The following PFKFB3 variants were observed in gnomAD, a reference collection of about 807,000 sequenced individuals.
PFKFB3 encodes the protein 6-phosphofructo-2-kinase/fructose-2,6-biphosphatase 3.
Under a neutral mutation model 68.0 loss-of-function variants are expected in PFKFB3, and 33 were observed. The ratio of observed to expected loss-of-function variants is 0.49; its 90% CI spans 0.37 to 0.65. The LOEUF is 0.65. PFKFB3 is among the 30% of genes least tolerant of loss of function. The pLI, the probability that PFKFB3 is intolerant of heterozygous loss-of-function variation, is 0.00. For missense variants in PFKFB3, 586 were observed against 712.2 expected, an observed-to-expected ratio of 0.82 and a Z score of 2.02; for synonymous variants, 315 against 288.2, an observed-to-expected ratio of 1.09 and a Z score of -0.94.
At chr10:6,296,573 G>A in the PFKFB3 span, among the ~76,000 whole-genome samples, 3 of 152,324 alleles carry the variant, frequency 2.0e-5, no homozygotes, top group East Asian at 5.8e-4. Context: ...CTAAACAAGG[G>A]GTGGATTATT....
rs1356617370 is a variant in PFKFB3 at position 6,226,358 on chromosome 10, C to G, written c.1508C>G (p.Pro503Arg). 4.3e-6 allele frequency: 7 copies of G among 1,611,732 alleles called. No individual in the cohort carries two copies. The East Asian group carries it at 1.1e-4, about 26-fold the overall frequency. ...CLPPEVPTQL[P>R]GQNMKGSRSS... ...CCCCCGGAGGTGCCCACGCAGCTGC[C>G]TGGACAAGTCAGTGCACTCCCCTTT... The change falls in exon 14 of 15, where the codon CCT (proline) becomes CGT (arginine). Residue 503 changes from proline (P) to arginine (R), a missense_variant. Pro to Arg is a moderately radical substitution (Grantham distance 103, BLOSUM62 -2). Coordinates refer to ENST00000379775, the MANE Select transcript of PFKFB3 (RefSeq NM_004566.4).
the PFKFB3 span, among the ~76,000 whole-genome samples, chr10:6,285,751 A>G: frequency 2.0e-5 from 3 of 151,924 alleles, no homozygotes; most frequent in Non-Finnish European, 2.9e-5. Context: ...CCACCATTCC[A>G]CTGTTTGATT....
At chr10:6,284,622 A>T in the PFKFB3 span, among the ~76,000 whole-genome samples, 2 of 152,226 alleles carry the variant, frequency 1.3e-5, no homozygotes, top group Non-Finnish European at 2.9e-5. Context: ...AACTATTTTA[A>T]TGTGTACAGT....
intron 1 of PFKFB3, among the ~76,000 whole-genome samples, chr10:6,207,786 G>A (rs543609579): frequency 7.4e-4 from 113 of 152,284 alleles, no homozygotes; most frequent in African/African-American, 2.4e-3. Flanking sequence ...AGCTTCCTTC[G>A]CATGCATCCT....
chr10:6,182,302 TGAGGTCTAGACTGGGGG>T, intron 1 of PFKFB3, among the ~76,000 whole-genome samples: 1 of 151,916 alleles, frequency 6.6e-6, no homozygotes, highest in Non-Finnish European at 1.5e-5. Flanking sequence ...ACACACCCCT[TGAGGTCTAGACTGGGGG>T]TCTGGGTGCA....
intron 1 of PFKFB3, among the ~76,000 whole-genome samples, chr10:6,196,459 A>C (rs1564611585): frequency 6.6e-6 from 1 of 152,160 alleles, no homozygotes; most frequent in Non-Finnish European, 1.5e-5. Flanking sequence ...GCTGAGGAGC[A>C]AGGAAGCCAG....
At position 6,234,017 on chromosome 10, in the gene PFKFB3, G is replaced by A. The variant is rs1845895122; in HGVS notation, c.*1075G>A. The A allele has an allele frequency of 6.6e-6, 1 of 152,474 alleles. No homozygotes were observed. The highest frequency in any genetic ancestry group is 2.1e-4 in the South Asian group (1 of 4,836). 9.4% of individuals were successfully genotyped at this position (152,474 alleles called of 1,614,324 possible). Reference sequence around the variant, plus strand: ...GCCTTGTGCCTGGCACTCTGCCGGTGCCTTGGGAAGGTCGGAAGAGTGGAC... The same window carrying A: ...GCCTTGTGCCTGGCACTCTGCCGGTACCTTGGGAAGGTCGGAAGAGTGGAC... On this transcript the variant is annotated 3_prime_UTR_variant, in exon 15 of 15. Coordinates refer to ENST00000379775, the MANE Select transcript of PFKFB3 (RefSeq NM_004566.4).
At position 6,162,896 on chromosome 10, in the gene PFKFB3, G is replaced by GT. The variant is rs577355290; in HGVS notation, c.16+17884dup. On this transcript the variant is annotated intron_variant, in intron 1 of 14. Coordinates refer to the PFKFB3 transcript ENST00000379789. ...TAGAAGGCTGGATCTGGGCTTTTGTGTGCCTCTTCTTGCTACCGGAGTGTC... is the reference window on the plus strand; with the variant it reads ...TAGAAGGCTGGATCTGGGCTTTTGTGTTGCCTCTTCTTGCTACCGGAGTGTC... Among the ~76,000 whole-genome samples, 7 of 152,246 alleles carry GT rather than the reference G, an allele frequency of 4.6e-5. No individual in the cohort carries two copies. In the South Asian group the frequency reaches 1.5e-3, roughly 32 times the overall value.
intron 1 of PFKFB3, among the ~76,000 whole-genome samples, chr10:6,175,394 C>G (rs952546924): frequency 6.6e-6 from 1 of 152,186 alleles, no homozygotes; most frequent in African/African-American, 2.4e-5. Flanking sequence ...TTGGATTTGC[C>G]TGGCATGGAT....
intron 1 of PFKFB3, among the ~76,000 whole-genome samples, chr10:6,183,662 G>T (rs1842785798): frequency 6.7e-6 from 1 of 148,164 alleles, no homozygotes; most frequent in African/African-American, 2.5e-5. Flanking sequence ...ATAATTACAT[G>T]TATAGTTTTG....
In PFKFB3 at chr10:6,215,217, A is replaced by C. The variant is rs757395169; in HGVS notation, c.203-4A>C. ...ATCCAGACTGTTCTCTTTCCCGTCCACAGTGTTCAACGTCGGGGAGTATCG... is the reference window on the plus strand; with the variant it reads ...ATCCAGACTGTTCTCTTTCCCGTCCCCAGTGTTCAACGTCGGGGAGTATCG... On this transcript the variant is annotated splice_polypyrimidine_tract_variant and splice_region_variant and intron_variant, in intron 2 of 14. Transcript: ENST00000379775. This position sits in a 1 kb window ranked among gnomAD's most constrained non-coding sequence, Gnocchi z 4.3. 1 of 1,612,972 alleles carries C rather than the reference A, an allele frequency of 6.2e-7. No individual in the cohort carries two copies. The highest frequency in any genetic ancestry group is 1.3e-5 in the African/African-American group (1 of 74,976).
the PFKFB3 span, among the ~76,000 whole-genome samples, chr10:6,322,067 G>A: frequency 6.6e-6 from 1 of 152,110 alleles, no homozygotes; most frequent in Non-Finnish European, 1.5e-5. Flanking sequence ...TGTTAGTCTG[G>A]TAAATTGTCT....
chr10:6,200,659 C>CAG (rs1843308075), upstream of PFKFB3, among the ~76,000 whole-genome samples: 1 of 68,886 alleles, frequency 1.5e-5, no homozygotes, highest in Non-Finnish European at 3.0e-5. Flanking sequence ...ATGTAAGGAG[C>CAG]GGGGGGGGGG....
Position 6,220,855 on chromosome 10 carries a change from G to A in PFKFB3, c.821G>A (p.Arg274Gln), listed in dbSNP as rs200580141. 5.3e-5 allele frequency: 86 copies of A among 1,611,172 alleles called. 1 individual carries two copies. Among genetic ancestry groups the A allele is most frequent in the Middle Eastern group, 4.9e-4 (3 of 6,062 alleles). The change falls in exon 8 of 15, where the codon CGG becomes CAG. Residue 274 changes from arginine (R) to glutamine (Q), a missense_variant. Transcript: ENST00000379775. This position sits in a 1 kb window ranked among gnomAD's most constrained non-coding sequence, Gnocchi z 4.1. Reference protein sequence around the residue: ...RIGGDSGLSSRGKKFASALSK... With the variant: ...RIGGDSGLSSQGKKFASALSK... Reference sequence around the variant, plus strand: ...GGGGGCGACTCAGGCCTGTCCAGCCGGGGCAAGAAGGTGCGGGGTGTGCTG... The same window carrying A: ...GGGGGCGACTCAGGCCTGTCCAGCCAGGGCAAGAAGGTGCGGGGTGTGCTG...
chr10:6,202,728 C>T (rs1843413234), upstream of PFKFB3: 1 of 253,906 alleles, frequency 3.9e-6, no homozygotes, highest in Non-Finnish European at 6.4e-6. Flanking sequence ...GGGCGCGCTC[C>T]AGGCCCGGGG....
chr10:6,321,801 T>C, the PFKFB3 span, among the ~76,000 whole-genome samples: 6 of 152,196 alleles, frequency 3.9e-5, no homozygotes, highest in African/African-American at 1.4e-4. Context: ...CTCAACTCTA[T>C]GTAGAAATTC....
At chr10:6,246,528 G>A (rs1320650126) in intron 14 of PFKFB3, among the ~76,000 whole-genome samples, 3 of 151,700 alleles carry the variant, frequency 2.0e-5, no homozygotes, top group Non-Finnish European at 4.4e-5. Context: ...TTTTAGTAGA[G>A]ATGGGGTTTT....
At chr10:6,166,010 C>T (rs1158063811) in intron 1 of PFKFB3, among the ~76,000 whole-genome samples, 4 of 143,878 alleles carry the variant, frequency 2.8e-5, no homozygotes, top group Non-Finnish European at 6.0e-5. Context: ...GACGAAGTCT[C>T]ACTCTGTCAT....
At chr10:6,204,869 G>C (rs960728766) in intron 1 of PFKFB3, among the ~76,000 whole-genome samples, 3 of 152,254 alleles carry the variant, frequency 2.0e-5, no homozygotes, top group African/African-American at 7.2e-5. Context: ...GTAAATACAT[G>C]TGATTGTATA....
Sources: gnomAD v4.1 joint callset for allele counts (sites outside exome capture counted in the v4.1 genomes callset) on GRCh38, gnomAD v4.1.1 for gene constraint, Gnocchi (gnomAD v3.1) non-coding constraint, MANE v1.5 for transcripts, NCBI Gene and HGNC (gene_info 2026-07-23, HGNC 2026-07-21) for gene names.